NID1: variants seen among roughly 807,000 people sequenced by gnomAD.
NID1 encodes the protein nidogen-1.
NID1 carries 76 observed loss-of-function variants against 130.6 expected under a neutral mutation model. The observed-to-expected ratio is 0.58, with a 90% CI of 0.48 to 0.70. NID1 has a LOEUF of 0.70. NID1 is among the 30% of genes least tolerant of loss of function. The pLI is 0.00. For missense variants in NID1, 1,517 were observed against 1,664.8 expected (o/e 0.91, Z 1.54); for synonymous variants, 665 against 675.1 (o/e 0.98, Z 0.23).
rs1231652259 is a variant in NID1, at chr1:236,028,781, A to T, written c.1738+769T>A. ...TGTTAACAATTGGTGAAGCTAGATA[A>T]ATAGTATGTGAACGTTTTTTGGGCT... On this transcript the variant is annotated intron_variant, in intron 7 of 19. Transcript: ENST00000264187. 2.6e-5 allele frequency among the ~76,000 whole-genome samples: 4 copies of T among 152,208 alleles called. No individual in the cohort carries two copies. The East Asian group carries it at 7.7e-4, about 29-fold the overall frequency.
rs752972379 is a variant in NID1 at position 236,048,965 on chromosome 1, T to G, written c.250A>C (p.Thr84Pro). The change falls in exon 2 of 20, where the codon ACG becomes CCG. Residue 84 changes from threonine (T) to proline (P), a missense_variant. Around this residue, in one of 3 missense-constraint regions of NID1, gnomAD observed 1,329 missense variants for 1,429.2 expected, o/e 0.93. Coordinates refer to ENST00000264187, the MANE Select transcript of NID1 (RefSeq NM_002508.3). ...GATTCTTTGGCCGGGGGTTCACTCGTAGCAATGATGCCATTTGTGGTGACC... is the reference window on the plus strand; with the variant it reads ...GATTCTTTGGCCGGGGGTTCACTCGGAGCAATGATGCCATTTGTGGTGACC... Reference protein sequence around the residue: ...VYVTTNGIIATSEPPAKESHP... With the variant: ...VYVTTNGIIAPSEPPAKESHP... 1 of 1,613,986 alleles carries G rather than the reference T, an allele frequency of 6.2e-7. No homozygotes were observed. The highest frequency in any genetic ancestry group is 8.5e-7 in the Non-Finnish European group (1 of 1,179,964).
chr1:236,027,593 C>T (rs1333717267), intron 7 of NID1, among the ~76,000 whole-genome samples: 3 of 152,202 alleles, frequency 2.0e-5, no homozygotes, highest in Admixed American at 6.6e-5. Flanking sequence ...CTTTGGGAGG[C>T]TGAAGCGGGA....
chr1:235,980,225 G>T (rs944248201), intron 17 of NID1, among the ~76,000 whole-genome samples: 1 of 152,162 alleles, frequency 6.6e-6, no homozygotes, highest in African/African-American at 2.4e-5. Flanking sequence ...CTTACAACAC[G>T]AGGGTGGCCA....
At chr1:236,019,564 C>A (rs980692236) in intron 9 of NID1, among the ~76,000 whole-genome samples, 1 of 152,128 alleles carries the variant, frequency 6.6e-6, no homozygotes, top group African/African-American at 2.4e-5. Flanking sequence ...ACAAATAGGA[C>A]CTCAGGGCTG....
In NID1 at chr1:236,015,647, C is replaced by CAAAA. The variant is rs71559908; in HGVS notation, c.2254+1497_2254+1500dup. 8.1e-3 allele frequency among the ~76,000 whole-genome samples: 651 copies of CAAAA among 79,982 alleles called. 15 individuals carry two copies. Among genetic ancestry groups the CAAAA allele is most frequent in the Middle Eastern group, 0.014 (2 of 138 alleles). 52.5% of individuals were successfully genotyped at this position (79,982 alleles called of 152,430 possible). A position where few individuals can be genotyped will look rare whatever the true frequency, so the allele number is the denominator to read the frequency against. Reference sequence around the variant, plus strand: ...GGGTGACAATAGCAAAACCCTGTCTCAAAAAAAAAAAAAAAAAAAAGGGAG... The same window carrying CAAAA: ...GGGTGACAATAGCAAAACCCTGTCTCAAAAAAAAAAAAAAAAAAAAAAAAGGGAG... On this transcript the variant is annotated intron_variant, in intron 10 of 19. Coordinates refer to ENST00000264187, the MANE Select transcript of NID1 (RefSeq NM_002508.3).
chr1:235,977,834 A>G lies in NID1; in HGVS notation c.*33T>C. The G allele has an allele frequency of 6.2e-7, 1 of 1,610,932 alleles. No individual in the cohort carries two copies. Among genetic ancestry groups the G allele is most frequent in the Non-Finnish European group, 8.5e-7 (1 of 1,178,136 alleles). On this transcript the variant is annotated 3_prime_UTR_variant, in exon 20 of 20. Transcript: ENST00000264187. ...TGCTTCAAGTAGAGTGTTGCTGTGAAATACTTGGAAAGGAAATAAGGCACT... is the reference window on the plus strand; with the variant it reads ...TGCTTCAAGTAGAGTGTTGCTGTGAGATACTTGGAAAGGAAATAAGGCACT...
chr1:235,999,639 C>T (rs373471317), intron 12 of NID1, among the ~76,000 whole-genome samples: 3 of 151,844 alleles, frequency 2.0e-5, no homozygotes, highest in Admixed American at 6.6e-5. Context: ...TCATCTAGTT[C>T]GAGCTGCTAG....
At chr1:236,054,924 G>C (rs1659856003) in intron 1 of NID1, among the ~76,000 whole-genome samples, 1 of 152,070 alleles carries the variant, frequency 6.6e-6, no homozygotes, top group Non-Finnish European at 1.5e-5. Context: ...TTACAGGTAT[G>C]AGCCACTGTG....
chr1:235,993,767 CA>C lies in NID1; in HGVS notation c.2632del (p.Cys878AlafsTer38). On this transcript the variant is annotated frameshift_variant, in exon 13 of 20. Coordinates refer to ENST00000264187, the MANE Select transcript of NID1 (RefSeq NM_002508.3). LOFTEE classifies it high-confidence loss of function. ...GGGCGCGTAGTGCCCGTGCGCATCG[CA>C]CTCAGGAACGAACAGCCCCGGAGGA... ...PIPPGLFVPE[C>X]DAHGHYAPTQ... The C allele has an allele frequency of 6.2e-7, 1 of 1,614,122 alleles. No homozygotes were observed. The highest frequency in any genetic ancestry group is 8.5e-7 in the Non-Finnish European group (1 of 1,180,008).
At chr1:235,981,314 A>T (rs1438774052) in intron 16 of NID1, among the ~76,000 whole-genome samples, 1 of 152,220 alleles carries the variant, frequency 6.6e-6, no homozygotes, top group Non-Finnish European at 1.5e-5. Flanking sequence ...AGTTGATATA[A>T]CCTGAGTGTT....
intron 6 of NID1, among the ~76,000 whole-genome samples, chr1:236,030,663 T>C (rs1169242677): frequency 6.6e-6 from 1 of 152,222 alleles, no homozygotes; most frequent in Non-Finnish European, 1.5e-5. Context: ...TAATTAGGCA[T>C]AGCTTTAAAT....
In NID1 at chr1:236,064,093, G is replaced by T. The variant is rs541900878; in HGVS notation, c.225+762C>A. ...TCTGGAATGCACACAAGCCTTATAT[G>T]AAATCCACATGGTGGGCGGCCGAGG... On this transcript the variant is annotated intron_variant, in intron 1 of 19. Transcript: ENST00000264187. Among the ~76,000 whole-genome samples the T allele has an allele frequency of 3.3e-5, 5 of 152,288 alleles. No individual in the cohort carries two copies. In the South Asian group the frequency reaches 1.0e-3, roughly 32 times the overall value.
chr1:236,063,780 C>G (rs10927371), intron 1 of NID1, among the ~76,000 whole-genome samples: 59,309 of 151,928 alleles, frequency 0.39, 12,367 homozygotes, highest in East Asian at 0.68. Flanking sequence ...AGCAAGACCT[C>G]GTCTCTCTAA....
At chr1:235,995,604 G>C (rs1321438462) in intron 12 of NID1, among the ~76,000 whole-genome samples, 1 of 152,186 alleles carries the variant, frequency 6.6e-6, no homozygotes, top group Non-Finnish European at 1.5e-5. Context: ...TCCATGTCTT[G>C]TTGCCTCTCC....
chr1:235,991,724 A>G (rs969505899), intron 13 of NID1, among the ~76,000 whole-genome samples: 1 of 152,210 alleles, frequency 6.6e-6, no homozygotes, highest in Non-Finnish European at 1.5e-5. Context: ...CAGCACCAGC[A>G]GCACCAGCGG....
intron 9 of NID1, among the ~76,000 whole-genome samples, chr1:236,020,303 T>A (rs1228434652): frequency 3.9e-5 from 6 of 152,216 alleles, no homozygotes; most frequent in African/African-American, 1.4e-4. Flanking sequence ...TTTTGACTTT[T>A]TTCAGAGTGG....
chr1:235,981,516 G>C, intron 16 of NID1, 95 bp downstream of exon 16: 1 of 1,348,650 alleles, frequency 7.4e-7, no homozygotes, highest in Non-Finnish European at 1.0e-6. Context: ...TTAATTTCAG[G>C]AGACCAATGC....
At chr1:236,029,242 G>A (rs1406567402) in intron 7 of NID1, among the ~76,000 whole-genome samples, 2 of 152,176 alleles carry the variant, frequency 1.3e-5, no homozygotes, top group Admixed American at 1.3e-4. Flanking sequence ...TATATGTTGG[G>A]ATATTTCATA....
intron 3 of NID1, among the ~76,000 whole-genome samples, chr1:236,043,654 T>C (rs889428344): frequency 1.3e-5 from 2 of 151,926 alleles, no homozygotes; most frequent in Admixed American, 6.6e-5. Context: ...AAAAATTAGC[T>C]GGGCGTGGTG....
Sources: gnomAD v4.1 joint callset for allele counts (sites outside exome capture counted in the v4.1 genomes callset) on GRCh38, gnomAD v4.1.1 for gene constraint, gnomAD v4.1.1 regional missense constraint, MANE v1.5 for transcripts, NCBI Gene and HGNC (gene_info 2026-07-23, HGNC 2026-07-21) for gene names.